The following VWC2 variants were observed in gnomAD, a reference collection of about 807,000 sequenced individuals.
VWC2 encodes von Willebrand factor C domain containing 2.
In VWC2, 14 loss-of-function variants were observed where a neutral mutation model predicts 29.8. The ratio of observed to expected loss-of-function variants is 0.47; its 90% confidence interval spans 0.31 to 0.74. The LOEUF (loss-of-function observed/expected upper bound fraction) is 0.74. Ranked by LOEUF, VWC2 falls within the 30% of genes least tolerant of loss-of-function variation. VWC2 has a pLI of 0.05. For missense variants in VWC2, 457 were observed against 459.8 expected (o/e 0.99, Z 0.05); for synonymous variants, 213 against 199.0 (o/e 1.07, Z -0.59).
intron 3 of VWC2, among the ~76,000 whole-genome samples, chr7:49,849,534 A>T (rs1790091650): frequency 1.3e-5 from 2 of 151,786 alleles, no homozygotes; most frequent in Non-Finnish European, 2.9e-5. Context: ...ATGCACCCCT[A>T]CTCCATGCCA....
chr7:49,834,908 G>A (rs2128712090), intron 3 of VWC2, among the ~76,000 whole-genome samples: 1 of 152,322 alleles, frequency 6.6e-6, no homozygotes, highest in East Asian at 1.9e-4. Flanking sequence ...GGTGGTGGAG[G>A]CCAGGATGGG....
chr7:49,790,845 G>C (rs1788450354), intron 2 of VWC2, among the ~76,000 whole-genome samples: 1 of 152,010 alleles, frequency 6.6e-6, no homozygotes, highest in Non-Finnish European at 1.5e-5. Flanking sequence ...AAGGACGGGG[G>C]AGAGGTTTAG....
intron 3 of VWC2, among the ~76,000 whole-genome samples, chr7:49,874,582 A>G (rs1328672661): frequency 6.6e-6 from 1 of 152,178 alleles, no homozygotes; most frequent in African/African-American, 2.4e-5. Flanking sequence ...ATGTATATAT[A>G]TACATGGAGA....
intron 2 of VWC2, among the ~76,000 whole-genome samples, chr7:49,785,432 A>G (rs1260943891): frequency 9.2e-5 from 14 of 152,202 alleles, no homozygotes; most frequent in Admixed American, 7.2e-4. Context: ...TTCTGCTTAG[A>G]ATTCTGAGAT....
intron 3 of VWC2, among the ~76,000 whole-genome samples, chr7:49,852,209 A>T (rs1790208070): frequency 6.6e-6 from 1 of 152,180 alleles, no homozygotes; most frequent in Admixed American, 6.5e-5. Flanking sequence ...CATGGCCTGC[A>T]TCAAAAGTCC....
intron 3 of VWC2, among the ~76,000 whole-genome samples, chr7:49,868,169 T>C (rs772052167): frequency 8.5e-5 from 13 of 152,188 alleles, no homozygotes; most frequent in Non-Finnish European, 1.5e-4. Context: ...AAAACCCAAG[T>C]GAATGATTCA....
chr7:49,903,236 T>C (rs1214456501), intron 3 of VWC2, among the ~76,000 whole-genome samples: 7 of 152,222 alleles, frequency 4.6e-5, no homozygotes, highest in African/African-American at 7.2e-5. Flanking sequence ...AATCCAGCAA[T>C]TGTGGTAGTT....
intron 2 of VWC2, among the ~76,000 whole-genome samples, chr7:49,789,517 C>T (rs1227268953): frequency 6.6e-6 from 1 of 152,058 alleles, no homozygotes; most frequent in Admixed American, 6.5e-5. Flanking sequence ...TTGAATTTGT[C>T]ATCCCTGAGA....
At chr7:49,864,869 T>C (rs1790813009) in intron 3 of VWC2, among the ~76,000 whole-genome samples, 1 of 152,216 alleles carries the variant, frequency 6.6e-6, no homozygotes. Flanking sequence ...TTAAGTTGCC[T>C]TGTTCGTGAT....
At chr7:49,906,798 G>A (rs1246451478) in intron 3 of VWC2, among the ~76,000 whole-genome samples, 2 of 151,950 alleles carry the variant, frequency 1.3e-5, no homozygotes, top group Non-Finnish European at 2.9e-5. Context: ...GTTGCTTTCT[G>A]CCTCTAGGAT....
chr7:49,832,953 G>A (rs1037424542), intron 3 of VWC2, among the ~76,000 whole-genome samples: 2 of 152,152 alleles, frequency 1.3e-5, no homozygotes, highest in Non-Finnish European at 2.9e-5. Context: ...GTCTTCTCTG[G>A]AGAAGTACAC....
At chr7:49,879,937 C>T (rs1019078629) in intron 3 of VWC2, among the ~76,000 whole-genome samples, 1 of 152,026 alleles carries the variant, frequency 6.6e-6, no homozygotes, top group Non-Finnish European at 1.5e-5. Flanking sequence ...ACAGGTTTTC[C>T]AGTGTTTATT....
chr7:49,829,251 G>C (rs796112717), intron 3 of VWC2, among the ~76,000 whole-genome samples: 116 of 152,296 alleles, frequency 7.6e-4, no homozygotes, highest in African/African-American at 2.8e-3. Context: ...GCAGTGCTTA[G>C]AATCTGAACA....
intron 3 of VWC2, among the ~76,000 whole-genome samples, chr7:49,886,382 A>C (rs1182568011): frequency 6.6e-6 from 1 of 152,320 alleles, no homozygotes; most frequent in South Asian, 2.1e-4. Flanking sequence ...ATCATCATCT[A>C]ATATGCTTTA....
intron 3 of VWC2, among the ~76,000 whole-genome samples, chr7:49,854,302 T>C (rs1313481405): frequency 2.0e-5 from 3 of 152,222 alleles, no homozygotes; most frequent in Non-Finnish European, 4.4e-5. Flanking sequence ...TCTTCCACAA[T>C]GGTTGAACTA....
intron 3 of VWC2, among the ~76,000 whole-genome samples, chr7:49,901,587 A>G (rs1792729774): frequency 6.6e-6 from 1 of 151,900 alleles, no homozygotes; most frequent in Non-Finnish European, 1.5e-5. Context: ...TTTCAAGTTC[A>G]TGGATAGAAA....
At chr7:49,795,104 C>T (rs766156485) in intron 2 of VWC2, among the ~76,000 whole-genome samples, 1 of 152,096 alleles carries the variant, frequency 6.6e-6, no homozygotes, top group African/African-American at 2.4e-5. Flanking sequence ...ATGTAGTAAG[C>T]CTATGCAATT....
chr7:49,866,571 T>A (rs559253998), intron 3 of VWC2, among the ~76,000 whole-genome samples: 121 of 152,280 alleles, frequency 7.9e-4, no homozygotes, highest in African/African-American at 2.7e-3. Flanking sequence ...CTTGCCCATG[T>A]GACTCAGAAA....
intron 3 of VWC2, among the ~76,000 whole-genome samples, chr7:49,852,980 C>G (rs1376710122): frequency 1.3e-5 from 2 of 152,336 alleles, no homozygotes. Context: ...CACCACAGTT[C>G]TACTCCAGTC....
Sources: gnomAD v4.1 joint callset for allele counts (sites outside exome capture counted in the v4.1 genomes callset) on GRCh38, gnomAD v4.1.1 for gene constraint, MANE v1.5 for transcripts, NCBI Gene and HGNC (gene_info 2026-07-23, HGNC 2026-07-21) for gene names.